Variants in DNAH9 observed in about 807,000 individuals in gnomAD.
DNAH9 encodes the protein dynein axonemal heavy chain 9.
A neutral mutation model predicts 471.6 loss-of-function variants in DNAH9; 345 were observed. The ratio of observed to expected loss-of-function variants is 0.73; its 90% CI spans 0.67 to 0.80. The LOEUF (loss-of-function observed/expected upper bound fraction) is 0.80. DNAH9 is among the 30% of genes least tolerant of loss of function. The pLI is 0.00. For missense variants in DNAH9, 5,407 were observed against 5,609.2 expected (o/e 0.96, Z 1.15); for synonymous variants, 2,093 against 2,123.6 (o/e 0.99, Z 0.40).
rs530932384 is a variant in DNAH9 at position 11,683,168 on chromosome 17, T to C, written c.3743+2279T>C. ...ATTTTTGCACCAACAGTCTCTCTCTTTTTGTTTTGTTTTGTTTTGTTTTGA... is the reference window on the plus strand; with the variant it reads ...ATTTTTGCACCAACAGTCTCTCTCTCTTTGTTTTGTTTTGTTTTGTTTTGA... On this transcript the variant is annotated intron_variant, in intron 19 of 68. Coordinates refer to ENST00000262442, the MANE Select transcript of DNAH9 (RefSeq NM_001372.4). 1.2e-4 allele frequency among the ~76,000 whole-genome samples: 19 copies of C among 152,022 alleles called. No individual in the cohort carries two copies. In the South Asian group the frequency reaches 3.3e-3, roughly 27 times the overall value.
chr17:11,705,313 A>C (rs959893431), intron 26 of DNAH9, 128 bp downstream of exon 26: 2 of 747,922 alleles, frequency 2.7e-6, no homozygotes, highest in Admixed American at 5.3e-5. Context: ...GGCCTGACTC[A>C]ACACAGCCTG....
At chr17:11,770,099 A>T (rs893684946) in intron 38 of DNAH9, among the ~76,000 whole-genome samples, 1 of 152,166 alleles carries the variant, frequency 6.6e-6, no homozygotes, top group African/African-American at 2.4e-5. Context: ...TTCCCAGGTG[A>T]CACTGCAGTG....
chr17:11,883,478 C>T, intron 55 of DNAH9, 108 bp from the exon 56 acceptor site: 1 of 1,383,712 alleles, frequency 7.2e-7, no homozygotes, highest in East Asian at 2.3e-5. Context: ...CATTCTGCCT[C>T]CACTTTACTA....
intron 39 of DNAH9, among the ~76,000 whole-genome samples, chr17:11,781,872 G>A (rs1323373871): frequency 4.1e-5 from 6 of 146,772 alleles, no homozygotes; most frequent in African/African-American, 1.0e-4. Context: ...CCAAACACCC[G>A]GTACCATGCA....
chr17:11,741,124 A>G (rs1183061559), intron 29 of DNAH9, among the ~76,000 whole-genome samples: 1 of 152,208 alleles, frequency 6.6e-6, no homozygotes, highest in African/African-American at 2.4e-5. Context: ...GCTCCTTTGA[A>G]TTTGAATACA....
intron 43 of DNAH9, among the ~76,000 whole-genome samples, chr17:11,804,600 C>T (rs1441372288): frequency 6.6e-6 from 1 of 152,074 alleles, no homozygotes; most frequent in Non-Finnish European, 1.5e-5. Context: ...AAAGATTGGC[C>T]AGGTGCGGTG....
In DNAH9 at chr17:11,874,982, C is replaced by G. The variant is rs759964790; in HGVS notation, c.10276C>G (p.Leu3426Val). 6.2e-7 allele frequency: 1 copy of G among 1,613,998 alleles called. No individual in the cohort carries two copies. The highest frequency in any genetic ancestry group is 1.3e-5 in the African/African-American group (1 of 74,914). The stretch of plus-strand genomic sequence containing the variant: ...TCCAGTCACCCCAGCCCTGGATCCC[C>G]TGAGGATGCTGATGGATGATGCTGA... ...PIPVTPALDP[L>V]RMLMDDADVA... is the part of the protein sequence containing the mutation. The change falls in exon 53 of 69, where the codon CTG becomes GTG. Residue 3426 changes from leucine to valine, a missense_variant. By Grantham distance (32) the Leu-to-Val change is conservative. Transcript: ENST00000262442.
chr17:11,631,073 C>G (rs1436630479), intron 7 of DNAH9, among the ~76,000 whole-genome samples: 4 of 152,060 alleles, frequency 2.6e-5, no homozygotes, highest in African/African-American at 9.7e-5. Flanking sequence ...TGATCTGAAC[C>G]TGGTTCCTAA....
intron 61 of DNAH9, among the ~76,000 whole-genome samples, chr17:11,918,811 T>C (rs1445841907): frequency 6.6e-6 from 1 of 151,670 alleles, no homozygotes; most frequent in Admixed American, 6.6e-5. Flanking sequence ...CATGGTGAAA[T>C]CCCATCTCTA....
intron 48 of DNAH9, among the ~76,000 whole-genome samples, chr17:11,832,026 A>G (rs1970702298): frequency 6.6e-6 from 1 of 152,186 alleles, no homozygotes; most frequent in Non-Finnish European, 1.5e-5. Context: ...CAACCTTCCC[A>G]TCCAAGTGTG....
At chr17:11,616,245 TG>T (rs2072740842) in intron 4 of DNAH9, among the ~76,000 whole-genome samples, 1 of 152,236 alleles carries the variant, frequency 6.6e-6, no homozygotes, top group Non-Finnish European at 1.5e-5. Flanking sequence ...CAGGGCTTTC[TG>T]TGAGATGGTA....
chr17:11,768,651 A>G (rs1307231052), intron 37 of DNAH9, 25 bp downstream of exon 37: 8 of 1,607,214 alleles, frequency 5.0e-6, no homozygotes, highest in Non-Finnish European at 5.1e-6. Context: ...GCAGCCGAGG[A>G]CGTGCGTGCA....
Position 11,871,757 on chromosome 17 carries a change from A to G in DNAH9, c.10213A>G (p.Thr3405Ala). 6.2e-7 allele frequency: 1 copy of G among 1,614,146 alleles called. No homozygotes were observed. Among genetic ancestry groups the G allele is most frequent in the Middle Eastern group, 1.6e-4 (1 of 6,062 alleles). Residue 3405 changes from threonine to alanine, a missense_variant, in exon 52 of 69, where the codon ACT becomes GCT. Around this residue, in one of 3 missense-constraint regions of DNAH9, gnomAD observed 4,636 missense variants for 4,900.3 expected, o/e 0.95. Coordinates refer to ENST00000262442, the MANE Select transcript of DNAH9 (RefSeq NM_001372.4). The part of the protein sequence containing the change: ...KKYRQSLLDR[T>A]WRPYLSQLKT... ...ATACCGGCAGAGCCTCCTGGACAGAACTTGGAGGCCCTACCTGAGCCAGCT... is the reference window on the plus strand; with the variant it reads ...ATACCGGCAGAGCCTCCTGGACAGAGCTTGGAGGCCCTACCTGAGCCAGCT...
At chr17:11,703,140 G>A (rs751122223) in intron 24 of DNAH9, among the ~76,000 whole-genome samples, 4 of 151,780 alleles carry the variant, frequency 2.6e-5, no homozygotes, top group Non-Finnish European at 5.9e-5. Context: ...GTGAATGTGT[G>A]TGAATAGCAG....
At chr17:11,946,643 C>A (rs868199942) in intron 67 of DNAH9, among the ~76,000 whole-genome samples, 111 of 124,714 alleles carry the variant, frequency 8.9e-4, no homozygotes, top group African/African-American at 3.3e-3. Context: ...CAGCCTGGGC[C>A]ACAGAGCAAG....
intron 28 of DNAH9, among the ~76,000 whole-genome samples, chr17:11,731,355 G>T (rs2075265512): frequency 6.6e-6 from 1 of 151,342 alleles, no homozygotes; most frequent in African/African-American, 2.4e-5. Context: ...GGATACACAG[G>T]GTAGGGAAAA....
intron 6 of DNAH9, among the ~76,000 whole-genome samples, chr17:11,621,171 A>C (rs551637463): frequency 6.6e-6 from 1 of 152,162 alleles, no homozygotes; most frequent in South Asian, 2.1e-4. Context: ...GCCCTTTGGG[A>C]GGCTGAGGCA....
At chr17:11,686,210 A>G (rs1317812661) in intron 19 of DNAH9, among the ~76,000 whole-genome samples, 1 of 152,150 alleles carries the variant, frequency 6.6e-6, no homozygotes, top group Non-Finnish European at 1.5e-5. Context: ...CCAGGAATCA[A>G]TTTAGCTCAC....
chr17:11,788,621 G>A (rs1269662204), intron 41 of DNAH9, among the ~76,000 whole-genome samples: 1 of 151,868 alleles, frequency 6.6e-6, no homozygotes, highest in East Asian at 1.9e-4. Context: ...ATATCACTTT[G>A]TATCTTTGTT....
Sources: gnomAD v4.1 joint callset for allele counts (sites outside exome capture counted in the v4.1 genomes callset) on GRCh38, gnomAD v4.1.1 for gene constraint, gnomAD v4.1.1 regional missense constraint, MANE v1.5 for transcripts, NCBI Gene and HGNC (gene_info 2026-07-23, HGNC 2026-07-21) for gene names.